RANBP17: variants seen among roughly 807,000 people sequenced by gnomAD.
RANBP17 encodes the protein ran-binding protein 17.
A neutral mutation model predicts 141.2 loss-of-function variants in RANBP17; 158 were observed. The ratio of observed to expected loss-of-function variants is 1.12; its 90% CI spans 0.98 to 1.28. The LOEUF (loss-of-function observed/expected upper bound fraction) is 1.28, where lower values mean the gene tolerates loss of function less well. Among genes scored for constraint, RANBP17 ranks in the 50% most tolerant of loss-of-function variants. The probability of loss-of-function intolerance (pLI) is 0.00; values close to 1 mark genes in which losing one functional copy is unlikely to be tolerated. For missense variants in RANBP17, 1,438 were observed against 1,290.7 expected, an observed-to-expected ratio of 1.11 and a Z score of -1.75; for synonymous variants, 430 against 450.0, an observed-to-expected ratio of 0.96 and a Z score of 0.56.
chr5:170,977,718 C>T lies in RANBP17; in HGVS notation c.1710+9341C>T, dbSNP rs571131619. On this transcript the variant is annotated intron_variant, in intron 14 of 27. Coordinates refer to ENST00000523189, the MANE Select transcript of RANBP17 (RefSeq NM_022897.5). Reference sequence around the variant, plus strand: ...ACAAGTATGATAATTGAAAACATTACGCTAAGTCAAATAAGCCAGCCACAA... The same window carrying T: ...ACAAGTATGATAATTGAAAACATTATGCTAAGTCAAATAAGCCAGCCACAA... 7.9e-5 allele frequency among the ~76,000 whole-genome samples: 12 copies of T among 152,120 alleles called. No homozygotes were observed. The South Asian group carries it at 1.0e-3, about 13-fold the overall frequency.
In RANBP17 at chr5:171,143,571, C is replaced by A. The variant is rs528106535; in HGVS notation, c.1711-26559C>A. On this transcript the variant is annotated intron_variant, in intron 14 of 27. Transcript: ENST00000523189. Reference sequence around the variant, plus strand: ...GTTTAAGGCCTAGAGATACGAATTACCTTTCCAAGGTCATTCCACTTGCTG... The same window carrying A: ...GTTTAAGGCCTAGAGATACGAATTAACTTTCCAAGGTCATTCCACTTGCTG... The A allele has an allele frequency of 2.6e-5, 4 of 152,296 alleles. No homozygotes were observed. In the South Asian group the frequency reaches 8.3e-4, roughly 32 times the overall value. The allele number at this position is 152,296 out of a possible 1,614,324, so 9.4% of individuals were successfully genotyped here.
chr5:171,206,522 C>T (rs1233681084), intron 20 of RANBP17: 1 of 157,898 alleles, frequency 6.3e-6, no homozygotes, highest in East Asian at 1.6e-4. Context: ...ATGCATGAAA[C>T]CATCAGAGCA....
intron 21 of RANBP17, among the ~76,000 whole-genome samples, chr5:171,221,445 C>G (rs1763550819): frequency 6.6e-6 from 1 of 152,074 alleles, no homozygotes; most frequent in Non-Finnish European, 1.5e-5. Flanking sequence ...TATTATTATC[C>G]ATCATCCAGT....
At chr5:171,225,267 C>T (rs1763818978) in intron 22 of RANBP17, among the ~76,000 whole-genome samples, 1 of 152,024 alleles carries the variant, frequency 6.6e-6, no homozygotes, top group South Asian at 2.1e-4. Context: ...TATCTCAAAA[C>T]TTAAAGGAAA....
chr5:171,152,957 C>G lies in RANBP17; in HGVS notation c.1711-17173C>G, dbSNP rs530921022. Among the ~76,000 whole-genome samples, 3 of 152,324 alleles carry G rather than the reference C, an allele frequency of 2.0e-5. No homozygotes were observed. The East Asian group carries it at 5.8e-4, about 29-fold the overall frequency. On this transcript the variant is annotated intron_variant, in intron 14 of 27. Transcript: ENST00000523189. Reference sequence around the variant, plus strand: ...GATTTGACCTTAGGTCCTTCTAACTCTAAATCCATTAAATGATGAAGTGTA... The same window carrying G: ...GATTTGACCTTAGGTCCTTCTAACTGTAAATCCATTAAATGATGAAGTGTA...
chr5:171,039,475 C>A (rs114787108), intron 14 of RANBP17, among the ~76,000 whole-genome samples: 4,061 of 151,722 alleles, frequency 0.027, 176 homozygotes, highest in African/African-American at 0.092. Flanking sequence ...CTAATAGATT[C>A]TGGATATTAG....
chr5:170,899,030 A>G (rs1310761538), intron 5 of RANBP17, among the ~76,000 whole-genome samples: 1 of 152,146 alleles, frequency 6.6e-6, no homozygotes, highest in Non-Finnish European at 1.5e-5. Flanking sequence ...TATGAAATTT[A>G]AAGTAGTTTT....
chr5:171,205,457 T>C (rs1762522563), intron 19 of RANBP17, 67 bp from the exon 20 acceptor site: 13 of 1,296,878 alleles, frequency 1.0e-5, no homozygotes, highest in Non-Finnish European at 1.3e-5. Flanking sequence ...CATTATTGCC[T>C]GATTATTACT....
intron 3 of RANBP17, among the ~76,000 whole-genome samples, chr5:170,884,821 T>C (rs1303073318): frequency 6.6e-6 from 1 of 152,124 alleles, no homozygotes; most frequent in African/African-American, 2.4e-5. Flanking sequence ...TGTCCAATGT[T>C]AATTTTTTTT....
intron 14 of RANBP17, among the ~76,000 whole-genome samples, chr5:171,107,516 G>T (rs1320925816): frequency 6.6e-6 from 1 of 152,072 alleles, no homozygotes; most frequent in African/African-American, 2.4e-5. Context: ...AGCAAGCAGT[G>T]TAAGTGCCTC....
intron 5 of RANBP17, among the ~76,000 whole-genome samples, chr5:170,898,961 C>T (rs923089072): frequency 2.0e-5 from 3 of 152,092 alleles, no homozygotes; most frequent in Admixed American, 6.6e-5. Context: ...CATGATGCCT[C>T]CAGCTTTGTT....
At chr5:171,265,262 CGGTGGCTCATGCCTATAA>C (rs1417846983) in intron 24 of RANBP17, among the ~76,000 whole-genome samples, 2 of 152,174 alleles carry the variant, frequency 1.3e-5, no homozygotes, top group Non-Finnish European at 2.9e-5. Flanking sequence ...TGGCTGGATA[CGGTGGCTCATGCCTATAA>C]TCCCAGCACC....
At position 171,173,332 on chromosome 5, in the gene RANBP17, T is replaced by C. The variant is rs372245320; in HGVS notation, c.1865+2046T>C. 1.2e-3 allele frequency among the ~76,000 whole-genome samples: 187 copies of C among 152,178 alleles called. 7 individuals are homozygous for C. The South Asian group carries it at 0.037, about 30-fold the overall frequency. ...GGAATAAGATGACATTCTTCAGCAA[T>C]AGAAACACGCAAGATCAAAACCATC... On this transcript the variant is annotated intron_variant, in intron 16 of 27. Coordinates refer to ENST00000523189, the MANE Select transcript of RANBP17 (RefSeq NM_022897.5).
chr5:171,000,437 A>G (rs983136371), intron 14 of RANBP17, among the ~76,000 whole-genome samples: 1 of 152,220 alleles, frequency 6.6e-6, no homozygotes. Flanking sequence ...CAAAATATGT[A>G]TAAATTCTGT....
At chr5:171,042,210 C>T (rs1782295514) in intron 14 of RANBP17, among the ~76,000 whole-genome samples, 1 of 151,868 alleles carries the variant, frequency 6.6e-6, no homozygotes, top group Admixed American at 6.6e-5. Context: ...TTCATAGATC[C>T]TAGGCCTATA....
chr5:171,178,693 A>T (rs1201150881), intron 16 of RANBP17, among the ~76,000 whole-genome samples: 1 of 152,018 alleles, frequency 6.6e-6, no homozygotes, highest in African/African-American at 2.4e-5. Flanking sequence ...TTGTTTCCTG[A>T]CTTTTTAATG....
chr5:171,097,361 T>G (rs573712485), intron 14 of RANBP17, among the ~76,000 whole-genome samples: 1 of 152,228 alleles, frequency 6.6e-6, no homozygotes, highest in Non-Finnish European at 1.5e-5. Flanking sequence ...ATATGTAATT[T>G]AATCTTCAGA....
Position 170,916,475 on chromosome 5 carries a change from G to T in RANBP17, c.845G>T (p.Cys282Phe). The change falls in exon 9 of 28, where the codon TGT becomes TTT. Residue 282 changes from cysteine to phenylalanine, a missense_variant. Physicochemically the swap from Cys to Phe is radical, Grantham distance 205 (BLOSUM62 -2). Coordinates refer to ENST00000523189, the MANE Select transcript of RANBP17 (RefSeq NM_022897.5). ...TTTGGTATTTTTTAGGCACTTTCATGTTTAGTTCAGTTTGCTTCGACAAGA... is the reference window on the plus strand; with the variant it reads ...TTTGGTATTTTTTAGGCACTTTCATTTTTAGTTCAGTTTGCTTCGACAAGA... ...PPLLSQLALS[C>F]LVQFASTRRS... is the part of the protein sequence containing the mutation. 6.4e-7 allele frequency: 1 copy of T among 1,560,134 alleles called. No homozygotes were observed. Among genetic ancestry groups the T allele is most frequent in the Non-Finnish European group, 8.7e-7 (1 of 1,152,756 alleles).
At chr5:171,211,489 T>G (rs185090499) in intron 20 of RANBP17, among the ~76,000 whole-genome samples, 292 of 152,226 alleles carry the variant, frequency 1.9e-3, no homozygotes, top group Non-Finnish European at 3.4e-3. Flanking sequence ...CTCGAACCCT[T>G]GGCCTCAAGT....
Sources: gnomAD v4.1 joint callset for allele counts (sites outside exome capture counted in the v4.1 genomes callset) on GRCh38, gnomAD v4.1.1 for gene constraint, MANE v1.5 for transcripts, NCBI Gene and HGNC (gene_info 2026-07-23, HGNC 2026-07-21) for gene names.